LHFPL5: variants seen among roughly 807,000 people sequenced by gnomAD.
LHFPL5 encodes the protein LHFPL tetraspan subfamily member 5.
A neutral mutation model predicts 18.7 loss-of-function variants in LHFPL5; 12 were observed. That is an observed-to-expected ratio of 0.64 (90% confidence interval 0.41 to 1.04). The LOEUF (loss-of-function observed/expected upper bound fraction) is 1.04, where lower values mean the gene tolerates loss of function less well. Ranked by LOEUF, LHFPL5 falls within the 50% of genes least tolerant of loss-of-function variation. LHFPL5 has a pLI of 0.00. For synonymous variants in LHFPL5, 111 were observed against 120.2 expected (o/e 0.92, Z 0.50); for missense variants, 259 against 292.1 (o/e 0.89, Z 0.83).
At chr6:35,822,246 G>C (rs1250940562) in intron 3 of LHFPL5, among the ~76,000 whole-genome samples, 1 of 151,984 alleles carries the variant, frequency 6.6e-6, no homozygotes, top group Non-Finnish European at 1.5e-5. Flanking sequence ...TGCTATCATA[G>C]ATAACAAAAC....
rs1768692354 is a variant in LHFPL5, at chr6:35,812,993, T to C, written c.413-1553T>C. On this transcript the variant is annotated intron_variant, in intron 1 of 3. Transcript: ENST00000360215. ...TCACTTGAATCCGGGAGGCGGGTGT[T>C]GCAGTGAGCCGAGATCGTGCCACTG... Among the ~76,000 whole-genome samples the C allele has an allele frequency of 2.0e-5, 3 of 152,056 alleles. No individual in the cohort carries two copies. The South Asian group carries it at 6.2e-4, about 32-fold the overall frequency.
Position 35,820,549 on chromosome 6 carries a change from A to C in LHFPL5, c.*16+1086A>C, listed in dbSNP as rs915108899. 5.9e-5 allele frequency among the ~76,000 whole-genome samples: 9 copies of C among 151,878 alleles called. 1 individual carries two copies. The highest frequency in any genetic ancestry group is 2.1e-4 in the South Asian group (1 of 4,816). On this transcript the variant is annotated intron_variant, in intron 3 of 3. Transcript: ENST00000360215. ...CCCCGTCTCTACTAAAAATACAAAA[A>C]ATTAGCCAGGTGTGGTGGTGGGCAC...
intron 1 of LHFPL5, among the ~76,000 whole-genome samples, chr6:35,811,872 G>A (rs1228232713): frequency 6.6e-6 from 1 of 152,230 alleles, no homozygotes; most frequent in Non-Finnish European, 1.5e-5. Flanking sequence ...CACGTAGGAA[G>A]TCTGAAATGT....
chr6:35,808,290 C>G (rs1035456138), intron 1 of LHFPL5, among the ~76,000 whole-genome samples: 2 of 123,772 alleles, frequency 1.6e-5, no homozygotes, highest in Non-Finnish European at 3.3e-5. Flanking sequence ...GAGACCCTAT[C>G]TCTATTTTAT....
At chr6:35,821,857 A>ATTTTT (rs763639486) in intron 3 of LHFPL5, among the ~76,000 whole-genome samples, 2,842 of 39,222 alleles carry the variant, frequency 0.072, 946 homozygotes, top group Non-Finnish European at 0.1. Flanking sequence ...GTGTACCACA[A>ATTTTT]TTTTTTTTTT....
chr6:35,807,610 A>T (rs1768592612), intron 1 of LHFPL5, among the ~76,000 whole-genome samples: 1 of 152,230 alleles, frequency 6.6e-6, no homozygotes, highest in African/African-American at 2.4e-5. Flanking sequence ...TGAAACAGGC[A>T]TCTGAATCCC....
rs1336946263 is a variant in LHFPL5, at chr6:35,814,840, G to T, written c.649+58G>T. 1 of 1,491,370 alleles carries T rather than the reference G, an allele frequency of 6.7e-7. No homozygotes were observed. Among genetic ancestry groups the T allele is most frequent in the African/African-American group, 1.4e-5 (1 of 72,466 alleles). 92.4% of individuals were successfully genotyped at this position (1,491,370 alleles called of 1,614,324 possible). On this transcript the variant is annotated intron_variant, in intron 2 of 3. Transcript: ENST00000360215. This position sits in a 1 kb window ranked among gnomAD's most constrained non-coding sequence, Gnocchi z 4.2. ...CCTGGAGACCCTGGGATGTGGGTGG[G>T]GGTTCATCTTAGCCAGTCCTCTAAG...
rs1195052218 is a variant in LHFPL5 at position 35,814,783 on chromosome 6, G to T, written c.649+1G>T. ...GACGACTACAAGGCAGATGGAACCG[G>T]TAATCACCCAACTCCACAATGGTGT... On this transcript the variant is annotated splice_donor_variant, in intron 2 of 3. Transcript: ENST00000360215. LOFTEE classifies it high-confidence loss of function. This position sits in a 1 kb window ranked among gnomAD's most constrained non-coding sequence, Gnocchi z 4.2. 1 of 1,612,676 alleles carries T rather than the reference G, an allele frequency of 6.2e-7. No individual in the cohort carries two copies. Among genetic ancestry groups the T allele is most frequent in the Admixed American group, 1.7e-5 (1 of 60,010 alleles).
At chr6:35,810,655 CA>C (rs1045120270) in intron 1 of LHFPL5, among the ~76,000 whole-genome samples, 1 of 151,754 alleles carries the variant, frequency 6.6e-6, no homozygotes, top group Non-Finnish European at 1.5e-5. Flanking sequence ...CCAAAAAATA[CA>C]AAAAAATACA....
intron 1 of LHFPL5, among the ~76,000 whole-genome samples, chr6:35,806,672 C>T (rs1377023665): frequency 2.0e-5 from 3 of 152,186 alleles, no homozygotes; most frequent in African/African-American, 7.2e-5. Context: ...CAGGGTATGA[C>T]CTTGCCTATA....
intron 3 of LHFPL5, 46 bp downstream of exon 3, chr6:35,819,509 TG>T: frequency 6.4e-7 from 1 of 1,553,934 alleles, no homozygotes; most frequent in Non-Finnish European, 8.9e-7. Context: ...TTAGAAAGGC[TG>T]GGGCTCTCTG....
chr6:35,809,926 T>C (rs1391796690), intron 1 of LHFPL5, among the ~76,000 whole-genome samples: 2 of 152,262 alleles, frequency 1.3e-5, no homozygotes, highest in Non-Finnish European at 2.9e-5. Flanking sequence ...TTCCTAGCTT[T>C]TCCTACTGAG....
intron 2 of LHFPL5, among the ~76,000 whole-genome samples, chr6:35,816,357 A>AAG (rs1768761250): frequency 6.6e-6 from 1 of 151,030 alleles, no homozygotes; most frequent in African/African-American, 2.4e-5. Context: ...AAAAAAAAAA[A>AAG]AAAAGAAAAA....
At chr6:35,810,133 C>G (rs1219771702) in intron 1 of LHFPL5, among the ~76,000 whole-genome samples, 1 of 152,162 alleles carries the variant, frequency 6.6e-6, no homozygotes, top group Non-Finnish European at 1.5e-5. Context: ...ATTAACCAAC[C>G]TTTAGCTGCC....
intron 1 of LHFPL5, among the ~76,000 whole-genome samples, chr6:35,812,474 C>T (rs1238732224): frequency 6.6e-6 from 1 of 152,144 alleles, no homozygotes; most frequent in African/African-American, 2.4e-5. Context: ...CCTGTCTCTG[C>T]TTCACCCCAG....
rs9462125 is a variant in LHFPL5 at position 35,823,525 on chromosome 6, G to T, written c.*560G>T. ...CACAAATGCCCAACCAGCTCTAAGA[G>T]GGCACTGAAGAGGTGGCTGGACATG... On this transcript the variant is annotated 3_prime_UTR_variant, in exon 4 of 4. Transcript: ENST00000360215. 1.3e-5 allele frequency: 2 copies of T among 148,292 alleles called. No individual in the cohort carries two copies. The highest frequency in any genetic ancestry group is 6.7e-5 in the Admixed American group (1 of 14,846). 9.2% of individuals were successfully genotyped at this position (148,292 alleles called of 1,614,324 possible). A position where few individuals can be genotyped will look rare whatever the true frequency, so the allele number is the denominator to read the frequency against.
At chr6:35,813,308 C>T (rs1332003723) in intron 1 of LHFPL5, among the ~76,000 whole-genome samples, 2 of 140,540 alleles carry the variant, frequency 1.4e-5, no homozygotes, top group East Asian at 4.2e-4. Flanking sequence ...TGCAGGGGCG[C>T]CATCTCGGCT....
chr6:35,811,093 C>T (rs879206703), intron 1 of LHFPL5, among the ~76,000 whole-genome samples: 34 of 152,292 alleles, frequency 2.2e-4, no homozygotes, highest in Middle Eastern at 3.4e-3. Flanking sequence ...AGGTCTCCCA[C>T]TGCAGCTAAG....
intron 1 of LHFPL5, among the ~76,000 whole-genome samples, chr6:35,808,585 A>ATG (rs1182413344): frequency 1.5e-5 from 2 of 133,932 alleles, no homozygotes; most frequent in Admixed American, 1.5e-4. Context: ...ATATATATAT[A>ATG]TATATATATA....
Sources: allele counts gnomAD v4.1 joint callset (sites outside exome capture counted in the v4.1 genomes callset), GRCh38; gene constraint gnomAD v4.1.1; non-coding constraint Gnocchi (gnomAD v3.1); transcripts MANE v1.5; gene names NCBI Gene and HGNC (gene_info 2026-07-23, HGNC 2026-07-21).